Variants in PRKN observed in about 807,000 individuals in gnomAD.
PRKN encodes the protein parkin RBR E3 ubiquitin protein ligase.
A neutral mutation model predicts 59.5 loss-of-function variants in PRKN; 56 were observed. That is an observed-to-expected ratio of 0.94 (90% confidence interval 0.76 to 1.18). The LOEUF is 1.18. Among genes scored for constraint, PRKN ranks in the 50% most tolerant of loss-of-function variants. PRKN has a pLI of 0.00. For synonymous variants in PRKN, 250 were observed against 222.1 expected (o/e 1.13, Z -1.12); for missense variants, 657 against 596.4 (o/e 1.10, Z -1.06).
chr6:162,450,717 T>A lies in PRKN; in HGVS notation c.8-7244A>T, dbSNP rs1477863785. On this transcript the variant is annotated intron_variant, in intron 1 of 11. Transcript: ENST00000366898. ...CCAGCACTGCGCAAACCTTTCAAGG[T>A]CATCCAAAACAAGAACAGTCTTTAG... is the stretch of plus-strand genomic sequence containing the variant. Among the ~76,000 whole-genome samples the A allele has an allele frequency of 1.3e-5, 2 of 152,084 alleles. 1 individual carries two copies. The highest frequency in any genetic ancestry group is 2.9e-5 in the Non-Finnish European group (2 of 68,014).
At chr6:161,877,680 G>T (rs571030555) in intron 6 of PRKN, among the ~76,000 whole-genome samples, 9 of 151,990 alleles carry the variant, frequency 5.9e-5, no homozygotes, top group Non-Finnish European at 1.3e-4. Context: ...GTGTTAGCCA[G>T]GATGGTCTTG....
rs1478608974 is a variant in PRKN, at chr6:161,378,539, T to C, written c.1167+8255A>G. ...CATCTTGACAGGAAGTGACTCCTTTTCTGGGTGTGGGTTTGCCTTTCTTGG... is the reference window on the plus strand; with the variant it reads ...CATCTTGACAGGAAGTGACTCCTTTCCTGGGTGTGGGTTTGCCTTTCTTGG... On this transcript the variant is annotated intron_variant, in intron 10 of 11. Coordinates refer to ENST00000366898, the MANE Select transcript of PRKN (RefSeq NM_004562.3). This position sits in a 1 kb window ranked among gnomAD's most constrained non-coding sequence, Gnocchi z 7.3. 6.6e-6 allele frequency among the ~76,000 whole-genome samples: 1 copy of C among 152,218 alleles called. No individual in the cohort carries two copies. Among genetic ancestry groups the C allele is most frequent in the Non-Finnish European group, 1.5e-5 (1 of 68,036 alleles).
chr6:161,456,870 C>A lies in PRKN; in HGVS notation c.1084-69993G>T, dbSNP rs978123227. 6.6e-5 allele frequency among the ~76,000 whole-genome samples: 10 copies of A among 152,144 alleles called. No homozygotes were observed. Among genetic ancestry groups the A allele is most frequent in the Admixed American group, 5.2e-4 (8 of 15,278 alleles). ...GAGATGGTCTCATTGCTCAGGGAAC[C>A]TTTTCTCCTAGGCAAACAGAGGTAG... On this transcript the variant is annotated intron_variant, in intron 9 of 11. Transcript: ENST00000366898. This position sits in a 1 kb window ranked among gnomAD's most constrained non-coding sequence, Gnocchi z 4.8.
At chr6:161,929,112 TATATAA>T (rs1428719068) in intron 6 of PRKN, among the ~76,000 whole-genome samples, 1 of 152,156 alleles carries the variant, frequency 6.6e-6, no homozygotes, top group Non-Finnish European at 1.5e-5. Context: ...ATGTGGCATA[TATATAA>T]ATGGAATATT....
At chr6:162,205,020 A>C (rs1784879996) in intron 3 of PRKN, among the ~76,000 whole-genome samples, 1 of 151,740 alleles carries the variant, frequency 6.6e-6, no homozygotes, top group Non-Finnish European at 1.5e-5. Flanking sequence ...GCACCACCAC[A>C]CCCAGCTAAT....
rs766949960 is a variant in PRKN at position 161,352,755 on chromosome 6, G to GTGTGTGTGTA, written c.1286-2545_1286-2544insTACACACACA. ...TGTGTGTGTGTGTGTGTGTGTGTGT[G>GTGTGTGTGTA]TATATATATATATATATTTTATTTT... On this transcript the variant is annotated intron_variant, in intron 11 of 11. Coordinates refer to ENST00000366898, the MANE Select transcript of PRKN (RefSeq NM_004562.3). This position sits in a 1 kb window ranked among gnomAD's most constrained non-coding sequence, Gnocchi z 5.8. Among the ~76,000 whole-genome samples, 380 of 134,358 alleles carry GTGTGTGTGTA rather than the reference G, an allele frequency of 2.8e-3. No homozygotes were observed. Among genetic ancestry groups the GTGTGTGTGTA allele is most frequent in the Middle Eastern group, 7.8e-3 (2 of 256 alleles). The allele number at this position is 134,358 out of a possible 152,430, so 88.1% of individuals were successfully genotyped here. A position where few individuals can be genotyped will look rare whatever the true frequency, so the allele number is the denominator to read the frequency against.
At chr6:161,694,417 T>C (rs914926868) in intron 7 of PRKN, among the ~76,000 whole-genome samples, 4 of 152,156 alleles carry the variant, frequency 2.6e-5, no homozygotes, top group African/African-American at 9.7e-5. Context: ...TAAATACCCT[T>C]TGGGGTTTTT....
At chr6:162,327,250 T>C (rs1265240511) in intron 2 of PRKN, among the ~76,000 whole-genome samples, 2 of 152,210 alleles carry the variant, frequency 1.3e-5, no homozygotes, top group Non-Finnish European at 1.5e-5. Flanking sequence ...GTGACTACGG[T>C]GATTTTCCAT....
intron 1 of PRKN, among the ~76,000 whole-genome samples, chr6:162,503,353 G>A (rs1000859317): frequency 2.0e-5 from 3 of 151,436 alleles, no homozygotes; most frequent in African/African-American, 4.8e-5. Context: ...GAGTAGAGAC[G>A]GGGTTTCGCC....
At chr6:162,045,086 C>T (rs553154722) in intron 5 of PRKN, among the ~76,000 whole-genome samples, 16 of 152,150 alleles carry the variant, frequency 1.1e-4, no homozygotes, top group Non-Finnish European at 2.1e-4. Flanking sequence ...AGAAGAGATG[C>T]TTGGTAAGCT....
chr6:162,042,440 T>A (rs1304422067), intron 5 of PRKN, among the ~76,000 whole-genome samples: 1 of 142,316 alleles, frequency 7.0e-6, no homozygotes, highest in African/African-American at 2.5e-5. Flanking sequence ...TACAGGCATG[T>A]ACCCAGCTAA....
chr6:162,516,682 G>A (rs1331725353), intron 1 of PRKN, among the ~76,000 whole-genome samples: 1 of 151,078 alleles, frequency 6.6e-6, no homozygotes, highest in Non-Finnish European at 1.5e-5. Flanking sequence ...AGAATCACTT[G>A]AGTTCGGGAG....
At chr6:161,911,459 T>G (rs77961467) in intron 6 of PRKN, among the ~76,000 whole-genome samples, 1,949 of 152,296 alleles carry the variant, frequency 0.013, 42 homozygotes, top group African/African-American at 0.042. Flanking sequence ...GGTTGTTTTC[T>G]AGGCCATTTC....
intron 4 of PRKN, among the ~76,000 whole-genome samples, chr6:162,061,413 A>C (rs566156708): frequency 1.8e-4 from 28 of 152,338 alleles, no homozygotes; most frequent in Admixed American, 1.4e-3. Flanking sequence ...AAAACTGAGC[A>C]GTAAGAAGCC....
intron 2 of PRKN, among the ~76,000 whole-genome samples, chr6:162,433,132 T>C (rs1182037091): frequency 6.6e-6 from 1 of 152,236 alleles, no homozygotes. Flanking sequence ...AAAATGTTTA[T>C]ATTTTCTTTG....
intron 6 of PRKN, among the ~76,000 whole-genome samples, chr6:161,836,841 G>A (rs1357896914): frequency 2.6e-5 from 4 of 152,234 alleles, no homozygotes; most frequent in African/African-American, 7.2e-5. Context: ...CTGCTCCCGA[G>A]CACAAGCCGT....
chr6:161,706,842 G>A (rs1583032900), intron 7 of PRKN, among the ~76,000 whole-genome samples: 1 of 152,264 alleles, frequency 6.6e-6, no homozygotes, highest in East Asian at 1.9e-4. Flanking sequence ...ACAGGCGTGA[G>A]CCACCACACC....
Position 161,502,889 on chromosome 6 carries a change from G to A in PRKN, c.1083+45965C>T, listed in dbSNP as rs1363768673. Among the ~76,000 whole-genome samples, 1 of 152,110 alleles carries A rather than the reference G, an allele frequency of 6.6e-6. No individual in the cohort carries two copies. Among genetic ancestry groups the A allele is most frequent in the Non-Finnish European group, 1.5e-5 (1 of 68,018 alleles). The stretch of plus-strand genomic sequence containing the variant: ...CACAGCTTAGTAGGTGCGTAACCCT[G>A]GGGATGTCGCTTAATTGCTTTAACC... On this transcript the variant is annotated intron_variant, in intron 9 of 11. Coordinates refer to ENST00000366898, the MANE Select transcript of PRKN (RefSeq NM_004562.3). This position sits in a 1 kb window ranked among gnomAD's most constrained non-coding sequence, Gnocchi z 4.0.
At chr6:162,055,963 C>A (rs145104589) in intron 4 of PRKN, among the ~76,000 whole-genome samples, 9 of 151,760 alleles carry the variant, frequency 5.9e-5, no homozygotes, top group African/African-American at 2.2e-4. Context: ...CACACACTCA[C>A]ATATACATGC....
Sources: allele counts gnomAD v4.1 joint callset (sites outside exome capture counted in the v4.1 genomes callset), GRCh38; gene constraint gnomAD v4.1.1; non-coding constraint Gnocchi (gnomAD v3.1); transcripts MANE v1.5; gene names NCBI Gene and HGNC (gene_info 2026-07-23, HGNC 2026-07-21).